The following PPFIA2 variants were observed in gnomAD, a reference collection of about 807,000 sequenced individuals.
PPFIA2 encodes liprin-alpha-2.
In PPFIA2, 46 loss-of-function variants were observed where a neutral mutation model predicts 175.5. That is an observed-to-expected ratio of 0.26 (90% CI 0.21 to 0.34). PPFIA2 has a LOEUF of 0.34. PPFIA2 is among the 10% of genes least tolerant of loss of function. The probability of loss-of-function intolerance (pLI) is 1.00; values close to 1 mark genes in which losing one functional copy is unlikely to be tolerated. For synonymous variants in PPFIA2, 568 were observed against 511.4 expected (o/e 1.11, Z -1.49); for missense variants, 1,179 against 1,506.1 (o/e 0.78, Z 3.60).
chr12:81,340,012 T>C (rs953706195), intron 20 of PPFIA2, among the ~76,000 whole-genome samples: 10 of 152,114 alleles, frequency 6.6e-5, no homozygotes, highest in Admixed American at 3.9e-4. Flanking sequence ...ACCGTATTAA[T>C]AGGATGGGAT....
At chr12:81,520,566 T>C (rs994370042) in intron 4 of PPFIA2, among the ~76,000 whole-genome samples, 5 of 152,202 alleles carry the variant, frequency 3.3e-5, no homozygotes, top group African/African-American at 1.2e-4. Flanking sequence ...CTTTTCTTCT[T>C]CGTTTCTTCT....
chr12:81,509,153 A>G (rs2061508947), intron 4 of PPFIA2, among the ~76,000 whole-genome samples: 1 of 152,126 alleles, frequency 6.6e-6, no homozygotes, highest in Non-Finnish European at 1.5e-5. Flanking sequence ...CTTCATTGGG[A>G]TCCAAACCAA....
chr12:81,576,505 A>T (rs772044796), intron 4 of PPFIA2, among the ~76,000 whole-genome samples: 1 of 151,714 alleles, frequency 6.6e-6, no homozygotes, highest in Non-Finnish European at 1.5e-5. Context: ...GATAAGGCCT[A>T]CTTATTCTAT....
rs761977817 is a variant in PPFIA2, at chr12:81,516,073, T to A, written c.304-58207A>T. Among the ~76,000 whole-genome samples, 24 of 152,076 alleles carry A rather than the reference T, an allele frequency of 1.6e-4. 1 individual carries two copies. Among genetic ancestry groups the A allele is most frequent in the Non-Finnish European group, 3.4e-4 (23 of 67,984 alleles). Reference sequence around the variant, plus strand: ...GAAAAGATGTTCTCCAAATTTATAATTCTTATATAGCTTTTCTATTTGGGG... The same window carrying A: ...GAAAAGATGTTCTCCAAATTTATAAATCTTATATAGCTTTTCTATTTGGGG... On this transcript the variant is annotated intron_variant, in intron 4 of 32. Coordinates refer to ENST00000549396, the MANE Select transcript of PPFIA2 (RefSeq NM_003625.5).
At chr12:81,681,843 G>A (rs948813639) in intron 3 of PPFIA2, among the ~76,000 whole-genome samples, 3 of 151,896 alleles carry the variant, frequency 2.0e-5, no homozygotes, top group African/African-American at 7.2e-5. Context: ...TTTGGCTATC[G>A]AATACAGTAA....
At chr12:81,655,240 C>T (rs1269780226) in intron 4 of PPFIA2, among the ~76,000 whole-genome samples, 3 of 151,656 alleles carry the variant, frequency 2.0e-5, no homozygotes, top group Non-Finnish European at 4.4e-5. Flanking sequence ...GTTAATTTTC[C>T]CCCAAAAATC....
At chr12:81,739,159 T>C (rs2082021730) in intron 3 of PPFIA2, among the ~76,000 whole-genome samples, 1 of 152,034 alleles carries the variant, frequency 6.6e-6, no homozygotes, top group South Asian at 2.1e-4. Context: ...AACTTGTTAT[T>C]ATTCTAACAC....
chr12:81,562,678 T>TTA (rs2070372279), intron 4 of PPFIA2, among the ~76,000 whole-genome samples: 1 of 150,216 alleles, frequency 6.7e-6, no homozygotes, highest in Non-Finnish European at 1.5e-5. Flanking sequence ...AAACCCCGTC[T>TTA]CTACTAAAAA....
At chr12:81,571,738 C>T (rs919651443) in intron 4 of PPFIA2, among the ~76,000 whole-genome samples, 3 of 152,128 alleles carry the variant, frequency 2.0e-5, no homozygotes, top group Non-Finnish European at 4.4e-5. Context: ...TAATAATCTA[C>T]TCATTCACAT....
intron 3 of PPFIA2, among the ~76,000 whole-genome samples, chr12:81,692,377 C>A (rs1200266259): frequency 1.3e-5 from 2 of 152,056 alleles, no homozygotes; most frequent in African/African-American, 4.8e-5. Context: ...TGCCAAATTC[C>A]TACCCACAGA....
chr12:81,366,275 C>T (rs187185062), intron 14 of PPFIA2, among the ~76,000 whole-genome samples: 1 of 151,456 alleles, frequency 6.6e-6, no homozygotes, highest in Non-Finnish European at 1.5e-5. Context: ...TAGCAATTAC[C>T]ATTAAAATTT....
chr12:81,284,519 C>G (rs747493798), intron 24 of PPFIA2: 2 of 528,918 alleles, frequency 3.8e-6, no homozygotes, highest in African/African-American at 1.9e-5. Flanking sequence ...TTCTGTGAAG[C>G]TCTTGGGGAT....
chr12:81,581,755 A>G lies in PPFIA2; in HGVS notation c.303+95036T>C, dbSNP rs12810112. ...ACGAACAAACAAACAAACAAACAAA[A>G]ACAACCCTGATATTTTTGGTTTTCT... On this transcript the variant is annotated intron_variant, in intron 4 of 32. Coordinates refer to ENST00000549396, the MANE Select transcript of PPFIA2 (RefSeq NM_003625.5). Among the ~76,000 whole-genome samples, 465 of 82,414 alleles carry G rather than the reference A, an allele frequency of 5.6e-3. 2 individuals are homozygous for G. Among genetic ancestry groups the G allele is most frequent in the African/African-American group, 0.027 (439 of 16,244 alleles). 54.1% of individuals were successfully genotyped at this position (82,414 alleles called of 152,430 possible).
At chr12:81,438,352 C>G (rs2049488519) in intron 7 of PPFIA2, among the ~76,000 whole-genome samples, 1 of 152,118 alleles carries the variant, frequency 6.6e-6, no homozygotes, top group Admixed American at 6.5e-5. Flanking sequence ...CCCGTAATCC[C>G]AGCTACTTGG....
At chr12:81,348,499 A>G (rs2059445448) in intron 17 of PPFIA2, among the ~76,000 whole-genome samples, 1 of 152,168 alleles carries the variant, frequency 6.6e-6, no homozygotes, top group East Asian at 1.9e-4. Flanking sequence ...GCACTTTGGG[A>G]GGCCGAGATG....
At chr12:81,522,339 TAAGGAAAG>T (rs2153241633) in intron 4 of PPFIA2, among the ~76,000 whole-genome samples, 1 of 152,168 alleles carries the variant, frequency 6.6e-6, no homozygotes, top group African/African-American at 2.4e-5. Flanking sequence ...CACTACAATA[TAAGGAAAG>T]TTGGATGCAA....
intron 8 of PPFIA2, among the ~76,000 whole-genome samples, chr12:81,399,900 G>A (rs2041840049): frequency 6.6e-6 from 1 of 151,950 alleles, no homozygotes; most frequent in Admixed American, 6.6e-5. Flanking sequence ...TTGAGAGAGG[G>A]AATCAATAAT....
intron 3 of PPFIA2, among the ~76,000 whole-genome samples, chr12:81,729,962 C>G (rs2080644882): frequency 6.6e-6 from 1 of 151,598 alleles, no homozygotes; most frequent in Non-Finnish European, 1.5e-5. Flanking sequence ...GTCCCCAGAA[C>G]TGTCAGAAAA....
chr12:81,355,570 T>C (rs879276882), intron 16 of PPFIA2, among the ~76,000 whole-genome samples: 6 of 152,214 alleles, frequency 3.9e-5, no homozygotes, highest in Admixed American at 3.9e-4. Context: ...TCATCTACAT[T>C]GAAAACCCAT....
Sources: gnomAD v4.1 joint callset for allele counts (sites outside exome capture counted in the v4.1 genomes callset) on GRCh38, gnomAD v4.1.1 for gene constraint, MANE v1.5 for transcripts, NCBI Gene and HGNC (gene_info 2026-07-23, HGNC 2026-07-21) for gene names.